The following ZFP30 variants were observed in gnomAD, a reference collection of about 807,000 sequenced individuals.
ZFP30 encodes the protein ZFP30 zinc finger protein.
A neutral mutation model predicts 12.3 loss-of-function variants in ZFP30; 16 were observed. That is an observed-to-expected ratio of 1.30 (90% CI 0.88 to 1.98). The LOEUF is 1.98. ZFP30 is among the 30% of genes most tolerant of loss of function. ZFP30 has a pLI of 0.00. For missense variants in ZFP30, 560 were observed against 611.2 expected (o/e 0.92, Z 0.88); for synonymous variants, 172 against 201.0 (o/e 0.86, Z 1.22).
chr19:37,631,786 G>T lies in ZFP30; in HGVS notation c.*3195C>A, dbSNP rs1161263818. On this transcript the variant is annotated 3_prime_UTR_variant, in exon 6 of 6. Transcript: ENST00000684514. ...TGATGTTCTGAAGGTAGAATGCCTA[G>T]AATCTAAATATATAATTAAAGCTGG... is the stretch of plus-strand genomic sequence containing the variant. 6.6e-6 allele frequency: 1 copy of T among 151,512 alleles called. No homozygotes were observed. Among genetic ancestry groups the T allele is most frequent in the Non-Finnish European group, 1.5e-5 (1 of 67,938 alleles). 9.4% of individuals were successfully genotyped at this position (151,512 alleles called of 1,614,324 possible).
At chr19:37,647,956 T>C in intron 2 of ZFP30, 57 bp from the exon 3 acceptor site, 2 of 993,460 alleles carry the variant, frequency 2.0e-6, no homozygotes, top group South Asian at 3.0e-5. Context: ...TTTCCAAATT[T>C]TAAAAACTGG....
Position 37,647,948 on chromosome 19 carries a change from T to C in ZFP30, c.-77-49A>G. The stretch of plus-strand genomic sequence containing the variant: ...ATGAGAAGAGAACTGCCTCAGAGTT[T>C]CCAAATTTTAAAAACTGGTACTACT... On this transcript the variant is annotated intron_variant, in intron 2 of 5. Coordinates refer to ENST00000684514, the MANE Select transcript of ZFP30 (RefSeq NM_001320669.3). 5.2e-6 allele frequency: 6 copies of C among 1,142,998 alleles called. No individual in the cohort carries two copies. The South Asian group carries it at 7.0e-5, about 13-fold the overall frequency. 70.8% of individuals were successfully genotyped at this position (1,142,998 alleles called of 1,614,324 possible).
At position 37,634,471 on chromosome 19, in the gene ZFP30, A is replaced by G. The variant is rs2044282213; in HGVS notation, c.*510T>C. 6.6e-6 allele frequency: 1 copy of G among 152,636 alleles called. No homozygotes were observed. The highest frequency in any genetic ancestry group is 2.4e-5 in the African/African-American group (1 of 41,456). 9.5% of individuals were successfully genotyped at this position (152,636 alleles called of 1,614,324 possible). On this transcript the variant is annotated 3_prime_UTR_variant, in exon 6 of 6. Coordinates refer to ENST00000684514, the MANE Select transcript of ZFP30 (RefSeq NM_001320669.3). ...TGTACAGAGAATCATGCCTAGATCC[A>G]TTATTTCATTATGTGTTACACAATA... is the stretch of plus-strand genomic sequence containing the variant.
At chr19:37,650,816 C>A (rs1468563290) in intron 2 of ZFP30, among the ~76,000 whole-genome samples, 1 of 151,468 alleles carries the variant, frequency 6.6e-6, no homozygotes, top group Admixed American at 6.6e-5. Context: ...CTCACTGCAA[C>A]CTCCGCCTCC....
rs956806477 is a variant in ZFP30 at position 37,645,483 on chromosome 19, T to C, written c.10-747A>G. 4.0e-5 allele frequency among the ~76,000 whole-genome samples: 6 copies of C among 151,408 alleles called. No individual in the cohort carries two copies. In the East Asian group the frequency reaches 5.8e-4, roughly 15 times the overall value. On this transcript the variant is annotated intron_variant, in intron 3 of 5. Coordinates refer to ENST00000684514, the MANE Select transcript of ZFP30 (RefSeq NM_001320669.3). ...CATTCTTCTTTTTTTTTGTAACAAT[T>C]ATTTCAAAATGTAATTAGCTTGCAG...
intron 5 of ZFP30, among the ~76,000 whole-genome samples, chr19:37,636,578 A>C (rs189602769): frequency 5.3e-5 from 8 of 152,306 alleles, no homozygotes; most frequent in Admixed American, 4.6e-4. Flanking sequence ...TAGAATACAG[A>C]GCAAATACTT....
chr19:37,646,506 T>C (rs1052005143), intron 3 of ZFP30, among the ~76,000 whole-genome samples: 7 of 152,116 alleles, frequency 4.6e-5, no homozygotes, highest in Non-Finnish European at 1.0e-4. Context: ...AGTGAAGACT[T>C]TAGAAGCAAA....
chr19:37,635,507 T>C lies in ZFP30; in HGVS notation c.1034A>G (p.Gln345Arg), dbSNP rs1471227898. 1.2e-6 allele frequency: 2 copies of C among 1,614,058 alleles called. No homozygotes were observed. The highest frequency in any genetic ancestry group is 3.3e-5 in the Admixed American group (2 of 60,008). ...FRVRQQLTLHQRIHTGEKPYD... is the reference protein window; with the variant it reads ...FRVRQQLTLHRRIHTGEKPYD... ...AGGCTTCTCACCAGTGTGAATTCTC[T>C]GATGGAGAGTAAGTTGCTGCCGCAC... is the stretch of plus-strand genomic sequence containing the variant. Residue 345 changes from glutamine (Q) to arginine (R), a missense_variant, in exon 6 of 6, where the codon CAG (glutamine) becomes CGG (arginine). By Grantham distance (43) the Gln-to-Arg change is conservative (BLOSUM62 1). Transcript: ENST00000684514.
chr19:37,650,759 G>C (rs1599633836), intron 2 of ZFP30, among the ~76,000 whole-genome samples: 2 of 146,452 alleles, frequency 1.4e-5, no homozygotes, highest in East Asian at 4.0e-4. Context: ...TTTTGAGACA[G>C]AGTTTCACTC....
rs1599634889 is a variant in ZFP30, at chr19:37,651,463, C to A, written c.-78+3249G>T. ...TGGTGGCATGTGCCTGTGGTCCCAG[C>A]TACTTGGGAGGCTGAGGCAGGAGAA... On this transcript the variant is annotated intron_variant, in intron 2 of 5. Transcript: ENST00000684514. The A allele has an allele frequency of 1.3e-5, 2 of 151,980 alleles. 1 individual carries two copies. Among genetic ancestry groups the A allele is most frequent in the East Asian group, 3.9e-4 (2 of 5,126 alleles). 9.4% of individuals were successfully genotyped at this position (151,980 alleles called of 1,614,324 possible). A position where few individuals can be genotyped will look rare whatever the true frequency, so the allele number is the denominator to read the frequency against.
Position 37,651,167 on chromosome 19 carries a change from G to A in ZFP30, c.-77-3268C>T, listed in dbSNP as rs570577904. Among the ~76,000 whole-genome samples the A allele has an allele frequency of 5.3e-5, 8 of 152,168 alleles. No homozygotes were observed. In the South Asian group the frequency reaches 1.7e-3, roughly 32 times the overall value. ...AGGTTATTTTGCCTTTTTTGCATAT[G>A]ACTTTTTTTTCTGAGATTAAAATGA... On this transcript the variant is annotated intron_variant, in intron 2 of 5. Transcript: ENST00000684514.
chr19:37,634,926 G>T lies in ZFP30; in HGVS notation c.*55C>A, dbSNP rs972273001. On this transcript the variant is annotated 3_prime_UTR_variant, in exon 6 of 6. Transcript: ENST00000684514. ...CCCACGTTCAAAAACCTTTCCTCTA[G>T]AATGTACTTCCTATGCTCAACATAA... The T allele has an allele frequency of 1.0e-5, 15 of 1,474,084 alleles. No individual in the cohort carries two copies. In the African/African-American group the frequency reaches 1.1e-4, roughly 11 times the overall value. The allele number at this position is 1,474,084 out of a possible 1,614,324, so 91.3% of individuals were successfully genotyped here.
chr19:37,639,980 G>A (rs1599616472), intron 5 of ZFP30, among the ~76,000 whole-genome samples: 1 of 152,224 alleles, frequency 6.6e-6, no homozygotes, highest in East Asian at 1.9e-4. Flanking sequence ...TCCCAAGTTT[G>A]CCTATTACAG....
At chr19:37,646,975 T>C (rs541147147) in intron 3 of ZFP30, among the ~76,000 whole-genome samples, 42 of 152,314 alleles carry the variant, frequency 2.8e-4, no homozygotes, top group African/African-American at 8.9e-4. Context: ...ATAAAAGACA[T>C]TAAAATAAAC....
intron 3 of ZFP30, among the ~76,000 whole-genome samples, chr19:37,645,299 A>C (rs2044521218): frequency 6.6e-6 from 1 of 152,130 alleles, no homozygotes; most frequent in African/African-American, 2.4e-5. Context: ...TAGGGCTGGA[A>C]GCCTGTGATG....
intron 3 of ZFP30, among the ~76,000 whole-genome samples, chr19:37,647,075 GACT>G (rs1373577743): frequency 4.6e-5 from 7 of 151,942 alleles, no homozygotes; most frequent in Non-Finnish European, 8.8e-5. Context: ...TTTAAAATTT[GACT>G]ACTAGAAAAT....
chr19:37,652,772 C>G (rs1041012131), intron 2 of ZFP30, among the ~76,000 whole-genome samples: 1 of 152,032 alleles, frequency 6.6e-6, no homozygotes, highest in African/African-American at 2.4e-5. Flanking sequence ...TTTTAAAAAG[C>G]TATTCCAAAA....
At position 37,646,015 on chromosome 19, in the gene ZFP30, T is replaced by C. The variant is rs917700062; in HGVS notation, c.10-1279A>G. The stretch of plus-strand genomic sequence containing the variant: ...CACAGTCAACCATGGTCCAAAAATA[T>C]AAAATGGAAAAATTCCAGAAATAAA... On this transcript the variant is annotated intron_variant, in intron 3 of 5. Coordinates refer to ENST00000684514, the MANE Select transcript of ZFP30 (RefSeq NM_001320669.3). Among the ~76,000 whole-genome samples the C allele has an allele frequency of 2.6e-5, 4 of 152,090 alleles. No individual in the cohort carries two copies. In the South Asian group the frequency reaches 8.3e-4, roughly 32 times the overall value.
intron 2 of ZFP30, among the ~76,000 whole-genome samples, chr19:37,651,755 G>C (rs1308138911): frequency 6.6e-6 from 1 of 152,134 alleles, no homozygotes; most frequent in African/African-American, 2.4e-5. Context: ...TCAAGTCATA[G>C]GAGCCAGAAA....
Sources: allele counts gnomAD v4.1 joint callset (sites outside exome capture counted in the v4.1 genomes callset), GRCh38; gene constraint gnomAD v4.1.1; transcripts MANE v1.5; gene names NCBI Gene and HGNC (gene_info 2026-07-23, HGNC 2026-07-21).